THSD4: variants seen among roughly 807,000 people sequenced by gnomAD.
THSD4 encodes thrombospondin type-1 domain-containing protein 4.
THSD4 carries 69 observed loss-of-function variants against 119.0 expected under a neutral mutation model. That is an observed-to-expected ratio of 0.58 (90% confidence interval 0.48 to 0.71). The LOEUF (loss-of-function observed/expected upper bound fraction) is 0.71, where lower values mean the gene tolerates loss of function less well. THSD4 is among the 30% of genes least tolerant of loss of function. The pLI is 0.00. For missense variants in THSD4, 1,393 were observed against 1,391.1 expected (o/e 1.00, Z -0.02); for synonymous variants, 524 against 540.4 (o/e 0.97, Z 0.42).
intron 6 of THSD4, among the ~76,000 whole-genome samples, chr15:71,274,025 C>A (rs893075521): frequency 1.3e-5 from 2 of 152,194 alleles, no homozygotes; most frequent in African/African-American, 4.8e-5. Flanking sequence ...GAGTCAAAGT[C>A]CTGGTAACAA....
At chr15:71,597,092 T>C (rs2049919387) in intron 7 of THSD4, among the ~76,000 whole-genome samples, 1 of 152,242 alleles carries the variant, frequency 6.6e-6, no homozygotes, top group South Asian at 2.1e-4. Flanking sequence ...TCTTTTCTTA[T>C]TGTTCCAAAA....
rs571330649 is a variant in THSD4 at position 71,319,400 on chromosome 15, C to A, written c.1015+62685C>A. On this transcript the variant is annotated intron_variant, in intron 6 of 17. Transcript: ENST00000261862. ...ATGCTATCCCTCCCCCCTCCCCCTT[C>A]CCCCCACCCCACAACAGGTCCCAGT... Among the ~76,000 whole-genome samples, 28 of 115,318 alleles carry A rather than the reference C, an allele frequency of 2.4e-4. 2 individuals are homozygous for A. In the South Asian group the frequency reaches 0.01, roughly 41 times the overall value. 75.7% of individuals were successfully genotyped at this position (115,318 alleles called of 152,430 possible).
At position 71,523,029 on chromosome 15, in the gene THSD4, A is replaced by G. The variant is rs145244185; in HGVS notation, c.1152+111206A>G. ...GCTTGGTTATCTGGCATGTTATGGGAACAGAGGAGTCAACACTTTGGAGTA... is the reference window on the plus strand; with the variant it reads ...GCTTGGTTATCTGGCATGTTATGGGGACAGAGGAGTCAACACTTTGGAGTA... On this transcript the variant is annotated intron_variant, in intron 7 of 17. Coordinates refer to ENST00000261862, the MANE Select transcript of THSD4 (RefSeq NM_024817.3). Among the ~76,000 whole-genome samples, 295 of 152,294 alleles carry G rather than the reference A, an allele frequency of 1.9e-3. 2 individuals are homozygous for G. Among genetic ancestry groups the G allele is most frequent in the African/African-American group, 6.4e-3 (268 of 41,568 alleles).
chr15:71,215,084 G>A lies in THSD4; in HGVS notation c.149G>A (p.Gly50Asp). ...AEGAPEDDGG[G>D]GAPGVWGAWG... ...GGCGCCCCCGAGGACGACGGCGGCG[G>A]CGGCGCCCCGGGAGTGTGGGGCGCC... Residue 50 changes from glycine to aspartate, a missense_variant, in exon 4 of 18, where the codon GGC becomes GAC. Coordinates refer to ENST00000261862, the MANE Select transcript of THSD4 (RefSeq NM_024817.3). The A allele has an allele frequency of 2.3e-6, 3 of 1,303,952 alleles. No homozygotes were observed. Among genetic ancestry groups the A allele is most frequent in the Non-Finnish European group, 2.0e-6 (2 of 1,025,406 alleles). The allele number at this position is 1,303,952 out of a possible 1,614,324, so 80.8% of individuals were successfully genotyped here.
chr15:71,559,835 A>C (rs540255264), intron 7 of THSD4, among the ~76,000 whole-genome samples: 2 of 152,306 alleles, frequency 1.3e-5, no homozygotes, highest in South Asian at 4.1e-4. Flanking sequence ...AAAAGTGATT[A>C]ATTGTGGTTA....
At chr15:71,396,547 C>T (rs2046457754) in intron 6 of THSD4, among the ~76,000 whole-genome samples, 1 of 152,192 alleles carries the variant, frequency 6.6e-6, no homozygotes, top group African/African-American at 2.4e-5. Context: ...GAAACCCCAG[C>T]CACATCATCT....
At chr15:71,153,379 C>G (rs538119511) in intron 2 of THSD4, among the ~76,000 whole-genome samples, 1 of 152,324 alleles carries the variant, frequency 6.6e-6, no homozygotes, top group Non-Finnish European at 1.5e-5. Flanking sequence ...AGGGCAGCCC[C>G]TCTCTTTGGA....
At chr15:71,626,927 C>T (rs1171191500) in intron 7 of THSD4, among the ~76,000 whole-genome samples, 6 of 152,124 alleles carry the variant, frequency 3.9e-5, no homozygotes, top group African/African-American at 1.4e-4. Flanking sequence ...ATTATCTGCT[C>T]CTTGAATGTT....
chr15:71,524,587 C>CT (rs71438517), intron 7 of THSD4, among the ~76,000 whole-genome samples: 8,788 of 59,462 alleles, frequency 0.15, 2,431 homozygotes, highest in East Asian at 0.41. Context: ...GTTTATGCCT[C>CT]TTTTTTTTTT....
chr15:71,365,094 C>T (rs2045940164), intron 6 of THSD4, among the ~76,000 whole-genome samples: 1 of 147,314 alleles, frequency 6.8e-6, no homozygotes, highest in Non-Finnish European at 1.5e-5. Context: ...ATGATACTCA[C>T]TTGTAGTTCA....
chr15:71,503,859 C>T (rs1009601495), intron 7 of THSD4, among the ~76,000 whole-genome samples: 1 of 152,190 alleles, frequency 6.6e-6, no homozygotes. Context: ...GGAGCCAATC[C>T]TCCTAACTTT....
chr15:71,745,559 C>G (rs1375351051), intron 12 of THSD4, among the ~76,000 whole-genome samples: 1 of 152,076 alleles, frequency 6.6e-6, no homozygotes, highest in Non-Finnish European at 1.5e-5. Context: ...GTGAGCTGTT[C>G]ACAGAGAGAG....
At chr15:71,408,325 T>G (rs1287878777) in intron 6 of THSD4, among the ~76,000 whole-genome samples, 1 of 152,106 alleles carries the variant, frequency 6.6e-6, no homozygotes, top group African/African-American at 2.4e-5. Flanking sequence ...CTCAAACTCC[T>G]GGGCTCAAAG....
chr15:71,336,061 A>T (rs2045486342), intron 6 of THSD4, among the ~76,000 whole-genome samples: 1 of 152,214 alleles, frequency 6.6e-6, no homozygotes, highest in African/African-American at 2.4e-5. Context: ...TCGCATTGCA[A>T]TCCATTAGGA....
intron 7 of THSD4, among the ~76,000 whole-genome samples, chr15:71,470,993 T>G (rs184308441): frequency 6.6e-6 from 1 of 152,334 alleles, no homozygotes; most frequent in East Asian, 1.9e-4. Flanking sequence ...TTTAAAGTTA[T>G]CAGGCTATTT....
chr15:71,448,069 A>G (rs553854361), intron 7 of THSD4, among the ~76,000 whole-genome samples: 13 of 152,350 alleles, frequency 8.5e-5, no homozygotes, highest in Non-Finnish European at 7.4e-5. Flanking sequence ...TTACGGGACA[A>G]TGCCAAAACA....
intron 11 of THSD4, among the ~76,000 whole-genome samples, chr15:71,738,854 TA>T (rs1297797281): frequency 6.6e-6 from 1 of 151,930 alleles, no homozygotes; most frequent in South Asian, 2.1e-4. Context: ...GACCTCAGCA[TA>T]AAAAAACACT....
chr15:71,492,129 A>G (rs1475435689), intron 7 of THSD4, among the ~76,000 whole-genome samples: 1 of 151,746 alleles, frequency 6.6e-6, no homozygotes, highest in Admixed American at 6.6e-5. Context: ...TTTATATATT[A>G]TGGATGTTTT....
intron 6 of THSD4, among the ~76,000 whole-genome samples, chr15:71,350,611 T>C (rs2140404820): frequency 6.6e-6 from 1 of 152,314 alleles, no homozygotes; most frequent in Middle Eastern, 3.4e-3. Context: ...CATAGCCCTT[T>C]ACAAAACTCT....
Sources: allele counts gnomAD v4.1 joint callset (sites outside exome capture counted in the v4.1 genomes callset), GRCh38; gene constraint gnomAD v4.1.1; transcripts MANE v1.5; gene names NCBI Gene and HGNC (gene_info 2026-07-23, HGNC 2026-07-21).